PCDH15: variants seen among roughly 807,000 people sequenced by gnomAD.
PCDH15 encodes protocadherin related 15.
PCDH15 carries 129 observed loss-of-function variants against 178.5 expected under a neutral mutation model. That is an observed-to-expected ratio of 0.72 (90% CI 0.63 to 0.84). PCDH15 has a LOEUF of 0.84. PCDH15 is among the 40% of genes least tolerant of loss of function. PCDH15 has a pLI of 0.00. For synonymous variants in PCDH15, 800 were observed against 732.0 expected (o/e 1.09, Z -1.50); for missense variants, 2,230 against 2,099.9 (o/e 1.06, Z -1.21).
chr10:55,405,664 ATAAC>A (rs1838181684), intron 2 of PCDH15, among the ~76,000 whole-genome samples: 1 of 151,882 alleles, frequency 6.6e-6, no homozygotes, highest in Admixed American at 6.6e-5. Context: ...TTTATAAAGT[ATAAC>A]TAAATATATA....
intron 1 of PCDH15, among the ~76,000 whole-genome samples, chr10:54,738,083 T>G (rs1249678114): frequency 6.6e-6 from 1 of 152,158 alleles, no homozygotes; most frequent in African/African-American, 2.4e-5. Context: ...ACTCTTTGAC[T>G]TGAGCCACAT....
intron 6 of PCDH15, among the ~76,000 whole-genome samples, chr10:54,333,560 A>G (rs1267912824): frequency 1.2e-5 from 1 of 86,032 alleles, no homozygotes; most frequent in African/African-American, 4.2e-5. Context: ...TTACCTAAAA[A>G]GTTTAAAAAA....
intron 1 of PCDH15, among the ~76,000 whole-genome samples, chr10:54,716,857 C>G (rs2095486300): frequency 6.7e-6 from 1 of 148,660 alleles, no homozygotes; most frequent in South Asian, 2.1e-4. Context: ...TGACTTCAAA[C>G]TATACTACAA....
At chr10:54,189,918 CATGTGTATGTGT>C (rs2048818201) in intron 11 of PCDH15, among the ~76,000 whole-genome samples, 1 of 81,968 alleles carries the variant, frequency 1.2e-5, no homozygotes, top group Non-Finnish European at 2.2e-5. Context: ...TGTATACATG[CATGTGTATGTGT>C]GTGTGTGTGT....
intron 2 of PCDH15, among the ~76,000 whole-genome samples, chr10:54,992,645 C>T (rs1839531499): frequency 6.6e-6 from 1 of 151,674 alleles, no homozygotes; most frequent in Non-Finnish European, 1.5e-5. Flanking sequence ...GTCCCAGCTA[C>T]TCGGGAGGCT....
chr10:55,070,819 C>A (rs1012750126), intron 2 of PCDH15, among the ~76,000 whole-genome samples: 2 of 152,016 alleles, frequency 1.3e-5, no homozygotes, highest in African/African-American at 4.8e-5. Context: ...TGAAGAAAGT[C>A]ATTGGTAGCT....
At chr10:54,518,582 CAA>C (rs1429422100) in intron 3 of PCDH15, among the ~76,000 whole-genome samples, 1 of 152,052 alleles carries the variant, frequency 6.6e-6, no homozygotes, top group African/African-American at 2.4e-5. Flanking sequence ...GCTTACCAAC[CAA>C]AAAGAGTCCA....
chr10:53,907,517 G>A (rs1589362302), intron 25 of PCDH15, among the ~76,000 whole-genome samples: 1 of 152,132 alleles, frequency 6.6e-6, no homozygotes, highest in African/African-American at 2.4e-5. Context: ...AAGTTATTTG[G>A]AAAGTGTTTT....
chr10:55,160,762 A>G (rs1839045130), intron 2 of PCDH15, among the ~76,000 whole-genome samples: 1 of 152,012 alleles, frequency 6.6e-6, no homozygotes, highest in South Asian at 2.1e-4. Context: ...TTCCTTATTT[A>G]TGCTCTTCCA....
intron 2 of PCDH15, among the ~76,000 whole-genome samples, chr10:55,534,083 A>G (rs1029052385): frequency 5.3e-5 from 8 of 152,084 alleles, no homozygotes; most frequent in African/African-American, 1.7e-4. Flanking sequence ...AAATTAACTC[A>G]AGATGGATTA....
chr10:55,139,253 C>T (rs1838283894), intron 2 of PCDH15, among the ~76,000 whole-genome samples: 1 of 151,566 alleles, frequency 6.6e-6, no homozygotes, highest in Non-Finnish European at 1.5e-5. Context: ...GTCTTTTAAT[C>T]CTCTTATCGA....
At chr10:55,597,652 A>T (rs1842962966) in intron 2 of PCDH15, among the ~76,000 whole-genome samples, 1 of 152,150 alleles carries the variant, frequency 6.6e-6, no homozygotes, top group East Asian at 1.9e-4. Flanking sequence ...ATCAAATATA[A>T]CTTCAACTAC....
chr10:53,816,853 T>C (rs2076076705), intron 34 of PCDH15, among the ~76,000 whole-genome samples: 1 of 152,208 alleles, frequency 6.6e-6, no homozygotes, highest in Non-Finnish European at 1.5e-5. Context: ...AGGAAAGTCA[T>C]TAATTATCAG....
At chr10:54,339,326 G>C (rs1941794479) in intron 6 of PCDH15, among the ~76,000 whole-genome samples, 1 of 151,006 alleles carries the variant, frequency 6.6e-6, no homozygotes, top group Non-Finnish European at 1.5e-5. Context: ...AGTGCATTAT[G>C]AACACTCTTA....
intron 3 of PCDH15, among the ~76,000 whole-genome samples, chr10:54,395,352 G>A (rs570048857): frequency 1.1e-4 from 17 of 149,476 alleles, no homozygotes; most frequent in Admixed American, 5.4e-4. Context: ...CTGACTTCCC[G>A]CAACATAAAA....
At chr10:54,313,271 A>T (rs1184788586) in intron 8 of PCDH15, among the ~76,000 whole-genome samples, 1 of 152,070 alleles carries the variant, frequency 6.6e-6, no homozygotes, top group Non-Finnish European at 1.5e-5. Context: ...TTTCTTCACC[A>T]TTAGTTCATT....
chr10:53,928,286 C>T (rs767533788), intron 25 of PCDH15, among the ~76,000 whole-genome samples: 5 of 151,832 alleles, frequency 3.3e-5, no homozygotes, highest in Non-Finnish European at 7.4e-5. Flanking sequence ...GATAGTCAAC[C>T]AGTAAGATCA....
chr10:54,419,010 G>A (rs933956882), intron 3 of PCDH15, among the ~76,000 whole-genome samples: 11 of 151,834 alleles, frequency 7.2e-5, no homozygotes, highest in African/African-American at 2.4e-4. Context: ...TGTTTAATCT[G>A]TAAGTACATC....
intron 2 of PCDH15, among the ~76,000 whole-genome samples, chr10:55,383,165 G>A (rs1837577238): frequency 6.6e-6 from 1 of 152,176 alleles, no homozygotes. Flanking sequence ...GGTATGGGAA[G>A]AAGGGGATCT....
Sources: allele counts gnomAD v4.1 joint callset (sites outside exome capture counted in the v4.1 genomes callset), GRCh38; gene constraint gnomAD v4.1.1; transcripts MANE v1.5; gene names NCBI Gene and HGNC (gene_info 2026-07-23, HGNC 2026-07-21).